The following DIS3 variants were observed in gnomAD, a reference collection of about 807,000 sequenced individuals.
The protein encoded by DIS3 is exosome complex exonuclease RRP44.
In DIS3, 103 loss-of-function variants were observed where a neutral mutation model predicts 113.0. The observed-to-expected ratio is 0.91, with a 90% confidence interval of 0.78 to 1.07. DIS3 has a LOEUF of 1.07. Ranked by LOEUF, DIS3 falls within the 50% of genes least tolerant of loss-of-function variation. DIS3 has a pLI of 0.00. For synonymous variants in DIS3, 402 were observed against 394.3 expected (o/e 1.02, Z -0.23); for missense variants, 1,121 against 1,167.1 (o/e 0.96, Z 0.58).
At chr13:72,779,672 G>T (rs2034105806) in intron 2 of DIS3, among the ~76,000 whole-genome samples, 1 of 149,338 alleles carries the variant, frequency 6.7e-6, no homozygotes, top group Non-Finnish European at 1.5e-5. Context: ...TTCATTACCA[G>T]AAGTCTACAC....
intron 6 of DIS3, 92 bp downstream of exon 6, chr13:72,775,119 A>C: frequency 7.4e-7 from 1 of 1,349,456 alleles, no homozygotes; most frequent in African/African-American, 1.5e-5. Flanking sequence ...TTTATGCAAT[A>C]AATCTGAAAG....
chr13:72,779,213 G>T (rs567928547), intron 2 of DIS3, among the ~76,000 whole-genome samples: 1 of 150,886 alleles, frequency 6.6e-6, no homozygotes, highest in African/African-American at 2.4e-5. Flanking sequence ...CTCTACCTCC[G>T]GGTTCAAGTG....
In DIS3 at chr13:72,757,134, T is replaced by A. The variant is rs1251073517; in HGVS notation, c.*2661A>T. 6.6e-6 allele frequency: 1 copy of A among 152,218 alleles called. No homozygotes were observed. Among genetic ancestry groups the A allele is most frequent in the East Asian group, 1.9e-4 (1 of 5,198 alleles). 9.4% of individuals were successfully genotyped at this position (152,218 alleles called of 1,614,324 possible). ...GACTTATCCCTGAATTAAACCTTTC[T>A]AGTAGCTGAAGCACAAGAAAATAAA... On this transcript the variant is annotated 3_prime_UTR_variant, in exon 21 of 21. Transcript: ENST00000377767.
Position 72,779,882 on chromosome 13 carries a change from C to G in DIS3, c.386+964G>C, listed in dbSNP as rs765497. ...AAAAAAATTATTCAGTTCAAAATAT[C>G]TATAATGCCAAGATTGAGAAGCCCT... is the stretch of plus-strand genomic sequence containing the variant. On this transcript the variant is annotated intron_variant, in intron 2 of 20. Transcript: ENST00000377767. Among the ~76,000 whole-genome samples the G allele has an allele frequency of 5.9e-5, 9 of 152,150 alleles. No homozygotes were observed. The East Asian group carries it at 1.7e-3, about 29-fold the overall frequency.
intron 2 of DIS3, among the ~76,000 whole-genome samples, chr13:72,780,430 A>C (rs775748036): frequency 7.2e-5 from 11 of 152,150 alleles, no homozygotes; most frequent in Non-Finnish European, 1.6e-4. Flanking sequence ...ATTAAGAATA[A>C]ATCTACTTTC....
At chr13:72,781,199 T>TA (rs2034198586) in intron 1 of DIS3, 196 bp from the exon 2 acceptor site, 2 of 1,497,722 alleles carry the variant, frequency 1.3e-6, no homozygotes, top group East Asian at 2.5e-5. Context: ...AAAGCACACT[T>TA]AAACAGACCA....
Position 72,760,647 on chromosome 13 carries a change from G to A in DIS3, c.2675C>T (p.Pro892Leu), listed in dbSNP as rs2033600900. The change falls in exon 20 of 21, where the codon CCC (proline) becomes CTC (leucine). Residue 892 changes from proline to leucine, a missense_variant. Pro to Leu is a moderately conservative substitution (Grantham distance 98). This residue lies in a region of DIS3 where 861 missense variants were observed against 915.5 expected (regional missense o/e 0.94). Coordinates refer to ENST00000377767, the MANE Select transcript of DIS3 (RefSeq NM_014953.5). ...NPQLIYDDEI[P>L]SLKIEDTVFH... ...CACTGTATCTTCTATTTTAAGTGAGGGTATCTAAACAAAACACATTTTATC... is the reference window on the plus strand; with the variant it reads ...CACTGTATCTTCTATTTTAAGTGAGAGTATCTAAACAAAACACATTTTATC... The A allele has an allele frequency of 1.2e-6, 2 of 1,611,002 alleles. No individual in the cohort carries two copies. The highest frequency in any genetic ancestry group is 8.5e-7 in the Non-Finnish European group (1 of 1,178,530).
At position 72,771,954 on chromosome 13, in the gene DIS3, T is replaced by C. The variant is rs1028200840; in HGVS notation, c.1504-58A>G. 73 of 1,545,748 alleles carry C rather than the reference T, an allele frequency of 4.7e-5. 2 individuals are homozygous for C. The Admixed American group carries it at 9.8e-4, about 21-fold the overall frequency. On this transcript the variant is annotated intron_variant, in intron 10 of 20. Transcript: ENST00000377767. ...TGCTTGACTGGGTAAATGTACCTAA[T>C]GGAGTTTTAATAAGATAAAGTTTAG...
rs769654128 is a variant in DIS3 at position 72,774,058 on chromosome 13, A to T, written c.989T>A (p.Leu330His). Residue 330 changes from leucine to histidine, a missense_variant and splice_region_variant, in exon 7 of 21, where the codon CTT (leucine) becomes CAT (histidine). Transcript: ENST00000377767. ...CATTTTCTCGCTTACAGCAGTCTTA[A>T]GCTGAGATATAAAAATTAAAATGTT... ...VEKEEETERM[L>H]KTAVSEKMLK... is the part of the protein sequence containing the mutation. 4 of 1,577,112 alleles carry T rather than the reference A, an allele frequency of 2.5e-6. No homozygotes were observed. Among genetic ancestry groups the T allele is most frequent in the Non-Finnish European group, 3.4e-6 (4 of 1,165,622 alleles).
intron 20 of DIS3, 92 bp downstream of exon 20, chr13:72,760,437 C>T: frequency 6.6e-7 from 1 of 1,524,362 alleles, no homozygotes; most frequent in African/African-American, 1.4e-5. Flanking sequence ...AGGGTTCCCT[C>T]TAACATTAAA....
rs1482876206 is a variant in DIS3 at position 72,754,982 on chromosome 13, G to C, written c.*4813C>G. ...TCCCACCTTGGCCTCTCAAAGTGTT[G>C]GGATGCTTTTTGATGCAGAATATTG... On this transcript the variant is annotated 3_prime_UTR_variant, in exon 21 of 21. Coordinates refer to ENST00000377767, the MANE Select transcript of DIS3 (RefSeq NM_014953.5). The C allele has an allele frequency of 3.5e-6, 2 of 572,378 alleles. No homozygotes were observed. Among genetic ancestry groups the C allele is most frequent in the African/African-American group, 3.8e-5 (2 of 52,660 alleles). 35.5% of individuals were successfully genotyped at this position (572,378 alleles called of 1,614,324 possible). A position where few individuals can be genotyped will look rare whatever the true frequency, so the allele number is the denominator to read the frequency against.
intron 14 of DIS3, among the ~76,000 whole-genome samples, chr13:72,768,546 C>T (rs897574039): frequency 2.6e-5 from 4 of 152,028 alleles, no homozygotes; most frequent in South Asian, 2.1e-4. Context: ...GCTACTTGAA[C>T]GACAGGAGAA....
chr13:72,771,968 G>A, intron 10 of DIS3, 72 bp from the exon 11 acceptor site: 1 of 1,508,884 alleles, frequency 6.6e-7, no homozygotes, highest in African/African-American at 1.4e-5. Flanking sequence ...GTTTTAATAA[G>A]ATAAAGTTTA....
intron 15 of DIS3, 53 bp from the exon 16 acceptor site, chr13:72,763,660 T>C (rs766673832): frequency 6.6e-6 from 10 of 1,519,234 alleles, no homozygotes; most frequent in Non-Finnish European, 8.8e-6. Flanking sequence ...GAGACTTCTA[T>C]ATATCATATT....
In DIS3 at chr13:72,764,089, T is replaced by C. The variant is rs186706999; in HGVS notation, c.1971-482A>G. ...ATCACTTGAACCCGGGAGGTGGAGG[T>C]TGCAGTGAGCCGAGATCGCATCACT... On this transcript the variant is annotated intron_variant, in intron 15 of 20. Transcript: ENST00000377767. Among the ~76,000 whole-genome samples the C allele has an allele frequency of 1.3e-3, 194 of 151,948 alleles. 6 individuals are homozygous for C. The East Asian group carries it at 0.029, about 23-fold the overall frequency.
At chr13:72,770,474 G>A (rs907964567) in intron 13 of DIS3, among the ~76,000 whole-genome samples, 1 of 152,126 alleles carries the variant, frequency 6.6e-6, no homozygotes, top group African/African-American at 2.4e-5. Flanking sequence ...AAGTGGGCAG[G>A]AATCTCAAAT....
rs146357715 is a variant in DIS3, at chr13:72,773,814, C to T, written c.1109G>A (p.Arg370Lys). Residue 370 changes from arginine (R) to lysine (K), a missense_variant, in exon 8 of 21, where the codon AGA becomes AAA. Arg to Lys is a conservative substitution (Grantham distance 26). Transcript: ENST00000377767. ...LSKSDIKESRRHLFTPADKRI... is the reference protein window; with the variant it reads ...LSKSDIKESRKHLFTPADKRI... ...CTTATCAGCAGGTGTAAAGAGATGT[C>T]TTCTTGACTAGCAAAAATTAGGAAT... 1.6e-4 allele frequency: 259 copies of T among 1,601,326 alleles called. No individual in the cohort carries two copies. In the African/African-American group the frequency reaches 3.0e-3, roughly 19 times the overall value.
intron 16 of DIS3, among the ~76,000 whole-genome samples, chr13:72,762,994 G>C (rs1323753250): frequency 1.3e-5 from 2 of 152,024 alleles, no homozygotes; most frequent in African/African-American, 4.8e-5. Context: ...AGCATAGGGT[G>C]CTCTTTAAAA....
chr13:72,752,708 C>G lies in DIS3; in HGVS notation c.*7087G>C, dbSNP rs2033310299. On this transcript the variant is annotated 3_prime_UTR_variant, in exon 21 of 21. Transcript: ENST00000377767. ...GGCTTTTGTTCTAATTGGAACATGA[C>G]CTCTAGTAGTAAGCAGATATGTATC... 1 of 152,118 alleles carries G rather than the reference C, an allele frequency of 6.6e-6. No homozygotes were observed. The highest frequency in any genetic ancestry group is 1.5e-5 in the Non-Finnish European group (1 of 68,008). 9.4% of individuals were successfully genotyped at this position (152,118 alleles called of 1,614,324 possible).
Sources: gnomAD v4.1 joint callset for allele counts (sites outside exome capture counted in the v4.1 genomes callset) on GRCh38, gnomAD v4.1.1 for gene constraint, gnomAD v4.1.1 regional missense constraint, MANE v1.5 for transcripts, NCBI Gene and HGNC (gene_info 2026-07-23, HGNC 2026-07-21) for gene names.